Variants in CNOT2 observed in about 807,000 individuals in gnomAD.
CNOT2 encodes the protein CC chemokine receptor 4-negative regulator of transcription 2.
CNOT2 carries 7 observed loss-of-function variants against 72.1 expected under a neutral mutation model. That is an observed-to-expected ratio of 0.10 (90% CI 0.06 to 0.18). The LOEUF is 0.18. CNOT2 is among the 10% of genes least tolerant of loss of function. The pLI is 1.00. For synonymous variants in CNOT2, 196 were observed against 225.6 expected, an observed-to-expected ratio of 0.87 and a Z score of 1.17; for missense variants, 345 against 660.3, an observed-to-expected ratio of 0.52 and a Z score of 5.23.
chr12:70,296,773 A>C (rs1011023629), intron 2 of CNOT2, among the ~76,000 whole-genome samples: 1 of 132,214 alleles, frequency 7.6e-6, no homozygotes, highest in African/African-American at 2.7e-5. Flanking sequence ...CCCCCTTTTT[A>C]AATTGTTTTT....
chr12:70,246,482 G>A (rs1027201607), intron 1 of CNOT2, among the ~76,000 whole-genome samples: 1 of 152,162 alleles, frequency 6.6e-6, no homozygotes, highest in African/African-American at 2.4e-5. Context: ...GTACTGTAAT[G>A]TTTGAGTGGA....
chr12:70,317,524 T>C (rs1877545113), intron 3 of CNOT2, among the ~76,000 whole-genome samples: 2 of 151,784 alleles, frequency 1.3e-5, no homozygotes, highest in African/African-American at 4.8e-5. Flanking sequence ...AAAGAATATA[T>C]AGTTTAATTG....
chr12:70,293,913 G>GTTT (rs1295897027), intron 2 of CNOT2, among the ~76,000 whole-genome samples: 25 of 86,186 alleles, frequency 2.9e-4, no homozygotes, highest in Non-Finnish European at 4.9e-4. Context: ...GGTGAGCACT[G>GTTT]CTTTTTTTTT....
rs372946706 is a variant in CNOT2 at position 70,351,040 on chromosome 12, A to G, written c.1537-2789A>G. Reference sequence around the variant, plus strand: ...GCCTAATTTTATTAATAGAAGAACTAAGGTATGAAAAAGTTGTCTAAAAAG... The same window carrying G: ...GCCTAATTTTATTAATAGAAGAACTGAGGTATGAAAAAGTTGTCTAAAAAG... On this transcript the variant is annotated intron_variant, in intron 15 of 15. Transcript: ENST00000229195. 9.8e-5 allele frequency among the ~76,000 whole-genome samples: 15 copies of G among 152,336 alleles called. No individual in the cohort carries two copies. In the South Asian group the frequency reaches 1.2e-3, roughly 13 times the overall value.
chr12:70,337,106 G>A (rs1432932139), intron 8 of CNOT2: 1 of 204,334 alleles, frequency 4.9e-6, no homozygotes, highest in East Asian at 1.1e-4. Context: ...AACCAAAATT[G>A]TTAATAATTA....
intron 2 of CNOT2, among the ~76,000 whole-genome samples, chr12:70,304,680 A>G (rs11178183): frequency 0.04 from 6,092 of 152,318 alleles, 282 homozygotes; most frequent in East Asian, 0.23. Context: ...GTGCTGGTAG[A>G]ACCACTACTC....
chr12:70,250,465 G>A, intron 1 of CNOT2, among the ~76,000 whole-genome samples: 1 of 151,994 alleles, frequency 6.6e-6, no homozygotes, highest in East Asian at 1.9e-4. Context: ...GCTTGACATT[G>A]TTATTGGATA....
chr12:70,289,399 C>T (rs1051725826), intron 2 of CNOT2, among the ~76,000 whole-genome samples: 1 of 152,038 alleles, frequency 6.6e-6, no homozygotes, highest in African/African-American at 2.4e-5. Flanking sequence ...ACTTATTTTA[C>T]ACAGCTTGAT....
At chr12:70,257,316 T>C (rs1050875862) in intron 1 of CNOT2, among the ~76,000 whole-genome samples, 11 of 151,422 alleles carry the variant, frequency 7.3e-5, no homozygotes, top group African/African-American at 2.7e-4. Context: ...TCCGATAGTA[T>C]ACAGGATACT....
chr12:70,298,067 A>T (rs1038875623), intron 2 of CNOT2, among the ~76,000 whole-genome samples: 5 of 152,150 alleles, frequency 3.3e-5, no homozygotes, highest in Non-Finnish European at 7.3e-5. Flanking sequence ...GTATAATAGT[A>T]TTTCTTTTAA....
rs1318561367 is a variant in CNOT2 at position 70,354,554 on chromosome 12, C to T, written c.*639C>T. ...CTGAGCTTCATCTTTCCAGAATGAG[C>T]AAAACACTGTCCAGTCTTTGTTACG... On this transcript the variant is annotated 3_prime_UTR_variant, in exon 16 of 16. Coordinates refer to ENST00000229195, the MANE Select transcript of CNOT2 (RefSeq NM_014515.7). The T allele has an allele frequency of 6.6e-6, 1 of 152,576 alleles. No individual in the cohort carries two copies. The highest frequency in any genetic ancestry group is 1.5e-5 in the Non-Finnish European group (1 of 68,038). The allele number at this position is 152,576 out of a possible 1,614,324, so 9.5% of individuals were successfully genotyped here. A position where few individuals can be genotyped will look rare whatever the true frequency, so the allele number is the denominator to read the frequency against.
intron 15 of CNOT2, among the ~76,000 whole-genome samples, chr12:70,351,375 T>G (rs1287770456): frequency 6.6e-6 from 1 of 152,146 alleles, no homozygotes; most frequent in Non-Finnish European, 1.5e-5. Context: ...ATAACAAACA[T>G]GTAAATGGTG....
intron 2 of CNOT2, among the ~76,000 whole-genome samples, chr12:70,293,914 CTTTTTTTTT>C (rs34038348): frequency 2.8e-5 from 2 of 71,314 alleles, no homozygotes; most frequent in African/African-American, 1.1e-4. Context: ...GTGAGCACTG[CTTTTTTTTT>C]TTTTTTTTTT....
chr12:70,310,833 G>C (rs752390701), intron 2 of CNOT2, 62 bp from the exon 3 acceptor site: 2 of 1,448,522 alleles, frequency 1.4e-6, no homozygotes, highest in East Asian at 2.3e-5. Context: ...CCACATAGGA[G>C]TAAGGTAACA....
At chr12:70,350,360 TCA>T (rs1174846641) in intron 15 of CNOT2, among the ~76,000 whole-genome samples, 4 of 152,234 alleles carry the variant, frequency 2.6e-5, no homozygotes, top group Admixed American at 2.6e-4. Flanking sequence ...TTCATTAATT[TCA>T]CAGTTACATA....
chr12:70,332,872 C>A, intron 7 of CNOT2, 26 bp downstream of exon 7: 1 of 1,557,544 alleles, frequency 6.4e-7, no homozygotes, highest in Admixed American at 2.1e-5. Context: ...AGCTAGTACC[C>A]TACAAAAAGT....
chr12:70,346,381 T>G (rs767326605), intron 15 of CNOT2, 57 bp downstream of exon 15: 1 of 1,437,992 alleles, frequency 7.0e-7, no homozygotes, highest in South Asian at 1.2e-5. Context: ...AGAAGTGTCC[T>G]CTTTTATCTG....
rs1033092126 is a variant in CNOT2 at position 70,288,149 on chromosome 12, T to C, written c.48+9875T>C. On this transcript the variant is annotated intron_variant, in intron 2 of 15. Coordinates refer to ENST00000229195, the MANE Select transcript of CNOT2 (RefSeq NM_014515.7). ...TATGGTGTAGCTCTTTTTTTTTTTTTTTTTTTTTTTTGAAACGGAGTTTCG... is the reference window on the plus strand; with the variant it reads ...TATGGTGTAGCTCTTTTTTTTTTTTCTTTTTTTTTTTGAAACGGAGTTTCG... 5.1e-3 allele frequency among the ~76,000 whole-genome samples: 698 copies of C among 136,790 alleles called. 19 individuals are homozygous for C. The highest frequency in any genetic ancestry group is 0.016 in the African/African-American group (623 of 38,770). The allele number at this position is 136,790 out of a possible 152,430, so 89.7% of individuals were successfully genotyped here.
intron 2 of CNOT2, among the ~76,000 whole-genome samples, chr12:70,299,478 G>GT (rs1163421343): frequency 1.3e-5 from 2 of 149,464 alleles, no homozygotes; most frequent in African/African-American, 4.9e-5. Context: ...GCGGTGTTTG[G>GT]TTTTTTGTCC....
Sources: allele counts gnomAD v4.1 joint callset (sites outside exome capture counted in the v4.1 genomes callset), GRCh38; gene constraint gnomAD v4.1.1; transcripts MANE v1.5; gene names NCBI Gene and HGNC (gene_info 2026-07-23, HGNC 2026-07-21).